DCHS2: variants seen among roughly 807,000 people sequenced by gnomAD.
DCHS2 encodes the protein protocadherin-23.
In DCHS2, 142 loss-of-function variants were observed where a neutral mutation model predicts 182.4. That is an observed-to-expected ratio of 0.78 (90% CI 0.68 to 0.89). The LOEUF is 0.89. Among genes scored for constraint, DCHS2 ranks in the 40% least tolerant of loss-of-function variants. The pLI, the probability that DCHS2 is intolerant of heterozygous loss-of-function variation, is 0.00. For missense variants in DCHS2, 4,319 were observed against 4,198.6 expected, an observed-to-expected ratio of 1.03 and a Z score of -0.79; for synonymous variants, 1,740 against 1,663.3, an observed-to-expected ratio of 1.05 and a Z score of -1.12.
intron 8 of DCHS2, among the ~76,000 whole-genome samples, chr4:154,322,057 T>A (rs1393253597): frequency 1.3e-5 from 2 of 152,170 alleles, no homozygotes; most frequent in Non-Finnish European, 2.9e-5. Context: ...TTTTGTCCAT[T>A]ATAAACAAAG....
intron 13 of DCHS2, among the ~76,000 whole-genome samples, chr4:154,271,754 C>T (rs770202634): frequency 3.9e-5 from 6 of 152,094 alleles, no homozygotes; most frequent in Non-Finnish European, 7.4e-5. Flanking sequence ...TTTACTTAAT[C>T]AATTTCATTT....
At chr4:154,458,311 T>C (rs1249824968) in intron 1 of DCHS2, among the ~76,000 whole-genome samples, 4 of 151,942 alleles carry the variant, frequency 2.6e-5, no homozygotes, top group Non-Finnish European at 5.9e-5. Context: ...AATGGAATTT[T>C]CATTATGGAA....
chr4:154,490,633 T>G lies in DCHS2; in HGVS notation c.723A>C (p.Ser241=), dbSNP rs1579134578. The G allele has an allele frequency of 6.5e-7, 1 of 1,550,160 alleles. No homozygotes were observed. Residue 241 remains serine, a synonymous_variant, in exon 1 of 20, where the codon TCA becomes TCC. Transcript: ENST00000357232. ...GCACCAGATCTAGAGGCTCCAGGGG[T>G]GACGAGGAGCCTGGCAAAAGCGGTG... ...LPSPLLPGSS[S]PLEPLDLVLL...
intron 1 of DCHS2, among the ~76,000 whole-genome samples, chr4:154,405,619 G>A (rs1732368400): frequency 1.3e-5 from 2 of 151,924 alleles, no homozygotes; most frequent in Non-Finnish European, 2.9e-5. Flanking sequence ...ACTTATTTCA[G>A]ATATTATCCT....
chr4:154,371,721 G>C (rs1278781752), intron 2 of DCHS2, among the ~76,000 whole-genome samples: 3 of 152,132 alleles, frequency 2.0e-5, no homozygotes, highest in Non-Finnish European at 4.4e-5. Context: ...GAAGGCAAAG[G>C]GGGAGCAAGA....
chr4:154,490,238 C>A lies in DCHS2; in HGVS notation c.1118G>T (p.Arg373Leu). 1 of 1,549,638 alleles carries A rather than the reference C, an allele frequency of 6.5e-7. No homozygotes were observed. ...GVVRVWRPLD[R>L]EAQAWHQLVV... ...CAACTGGTGCCAGGCCTGTGCCTCG[C>A]GGTCCAGAGGTCTCCACACTCGCAC... Residue 373 changes from arginine (R) to leucine (L), a missense_variant, in exon 1 of 20, where the codon CGC becomes CTC. By Grantham distance (102) the Arg-to-Leu change is moderately radical (BLOSUM62 -2). Coordinates refer to ENST00000357232, the MANE Select transcript of DCHS2 (RefSeq NM_001358235.2).
Position 154,232,563 on chromosome 4 carries a change from A to AAAAC in DCHS2, c.*1969_*1972dup, listed in dbSNP as rs2111068449. 6.6e-6 allele frequency: 1 copy of AAAAC among 152,308 alleles called. No homozygotes were observed. Among genetic ancestry groups the AAAAC allele is most frequent in the East Asian group, 1.9e-4 (1 of 5,188 alleles). 9.4% of individuals were successfully genotyped at this position (152,308 alleles called of 1,614,324 possible). On this transcript the variant is annotated 3_prime_UTR_variant, in exon 20 of 20. Transcript: ENST00000357232. ...AGTAAATGAAGAACCTGTTTAATTA[A>AAAAC]AAACAACAAAATGTTCTTAGTTTCC...
At chr4:154,383,611 C>T (rs1175536998) in intron 1 of DCHS2, among the ~76,000 whole-genome samples, 2 of 152,126 alleles carry the variant, frequency 1.3e-5, no homozygotes, top group African/African-American at 4.8e-5. Context: ...CCCTTGAAGG[C>T]ATGTTTCCAT....
At chr4:154,391,758 G>A (rs1211705238) in intron 1 of DCHS2, among the ~76,000 whole-genome samples, 2 of 152,118 alleles carry the variant, frequency 1.3e-5, no homozygotes, top group East Asian at 3.9e-4. Context: ...TTTTCTCCCT[G>A]CAATCACCTG....
intron 1 of DCHS2, among the ~76,000 whole-genome samples, chr4:154,465,008 T>C (rs965005869): frequency 1.5e-4 from 23 of 152,350 alleles, no homozygotes; most frequent in Admixed American, 8.5e-4. Flanking sequence ...GTTTAAATAC[T>C]GTTAAAAAGA....
At chr4:154,401,988 G>T (rs1202757090) in intron 1 of DCHS2, among the ~76,000 whole-genome samples, 1 of 152,176 alleles carries the variant, frequency 6.6e-6, no homozygotes, top group Admixed American at 6.5e-5. Flanking sequence ...AAAAGAAAAA[G>T]TGCAATGGTA....
chr4:154,374,194 C>A, intron 2 of DCHS2: 2 of 491,922 alleles, frequency 4.1e-6, no homozygotes, highest in South Asian at 6.0e-5. Context: ...TCCTGATGGA[C>A]AGCAGTTCTA....
intron 10 of DCHS2, 134 bp from the exon 11 acceptor site, chr4:154,305,365 A>C: frequency 8.5e-7 from 1 of 1,172,824 alleles, no homozygotes; most frequent in Non-Finnish European, 1.1e-6. Flanking sequence ...CTTTAAATTA[A>C]GGTAAAAGAA....
intron 9 of DCHS2, among the ~76,000 whole-genome samples, chr4:154,316,739 G>C (rs374693274): frequency 6.6e-6 from 1 of 152,078 alleles, no homozygotes; most frequent in African/African-American, 2.4e-5. Context: ...AGCTGAGATC[G>C]TGCCACTGCA....
chr4:154,389,516 T>TATATATATA (rs1731575119), intron 1 of DCHS2, among the ~76,000 whole-genome samples: 3 of 111,122 alleles, frequency 2.7e-5, no homozygotes, highest in Admixed American at 8.7e-5. Context: ...AAGACAAAGG[T>TATATATATA]TATATATATA....
chr4:154,482,840 A>C (rs1490671), intron 1 of DCHS2, among the ~76,000 whole-genome samples: 138,454 of 152,124 alleles, frequency 0.91, 64,371 homozygotes, highest in East Asian at 1. Context: ...TCATGGTGGC[A>C]GGCAAAAACA....
At chr4:154,356,449 T>A (rs1258025826) in intron 3 of DCHS2, among the ~76,000 whole-genome samples, 2 of 152,192 alleles carry the variant, frequency 1.3e-5, no homozygotes, top group Non-Finnish European at 2.9e-5. Flanking sequence ...CTAAGTGTAG[T>A]ATTTCTAAAG....
chr4:154,310,974 C>T (rs1342810691), intron 10 of DCHS2, among the ~76,000 whole-genome samples: 1 of 152,106 alleles, frequency 6.6e-6, no homozygotes, highest in Admixed American at 6.6e-5. Flanking sequence ...TGCTGTCTTG[C>T]TATAGTGTCA....
intron 1 of DCHS2, among the ~76,000 whole-genome samples, chr4:154,415,753 A>G (rs991860244): frequency 3.9e-5 from 6 of 152,190 alleles, no homozygotes; most frequent in African/African-American, 1.4e-4. Context: ...GATCAGATTC[A>G]GCCCAAAGCG....
Sources: allele counts gnomAD v4.1 joint callset (sites outside exome capture counted in the v4.1 genomes callset), GRCh38; gene constraint gnomAD v4.1.1; transcripts MANE v1.5; gene names NCBI Gene and HGNC (gene_info 2026-07-23, HGNC 2026-07-21).